The following C12orf42 variants were observed in gnomAD, a reference collection of about 807,000 sequenced individuals.
C12orf42 encodes the protein chromosome 12 open reading frame 42, also known as uncharacterized protein C12orf42.
In C12orf42, 25 loss-of-function variants were observed where a neutral mutation model predicts 21.6. That is an observed-to-expected ratio of 1.16 (90% CI 0.84 to 1.62). C12orf42 has a LOEUF of 1.62. Among genes scored for constraint, C12orf42 ranks in the 40% most tolerant of loss-of-function variants. The probability of loss-of-function intolerance (pLI) is 0.00; values close to 1 mark genes in which losing one functional copy is unlikely to be tolerated. For synonymous variants in C12orf42, 174 were observed against 175.0 expected (o/e 0.99, Z 0.05); for missense variants, 483 against 459.3 (o/e 1.05, Z -0.47).
At chr12:103,249,693 A>G (rs2034194477) in intron 10 of C12orf42, among the ~76,000 whole-genome samples, 2 of 152,124 alleles carry the variant, frequency 1.3e-5, no homozygotes, top group Admixed American at 6.6e-5. Flanking sequence ...GTTTCAGTAC[A>G]GCACATATTA....
At chr12:103,559,658 G>C in the C12orf42 span, 2 of 152,224 alleles carry the variant, frequency 1.3e-5, no homozygotes, top group African/African-American at 4.8e-5. Context: ...GAATGGAAGA[G>C]AAAGCAGGTG....
At chr12:103,346,170 C>T (rs2042605772) in intron 4 of C12orf42, among the ~76,000 whole-genome samples, 1 of 152,124 alleles carries the variant, frequency 6.6e-6, no homozygotes, top group Non-Finnish European at 1.5e-5. Flanking sequence ...TTATAATCCT[C>T]CACAGTTTTG....
intron 2 of C12orf42, among the ~76,000 whole-genome samples, chr12:103,414,146 T>C (rs780367935): frequency 8.5e-5 from 13 of 152,132 alleles, no homozygotes; most frequent in Admixed American, 2.6e-4. Context: ...TACCAATATC[T>C]ATTTTTTTTT....
chr12:103,221,495 A>T, the C12orf42 span, among the ~76,000 whole-genome samples: 1 of 152,340 alleles, frequency 6.6e-6, no homozygotes, highest in East Asian at 1.9e-4. Context: ...AATCTTTTTT[A>T]AAAAGCAATT....
At chr12:103,086,195 T>G in the C12orf42 span, among the ~76,000 whole-genome samples, 1 of 152,072 alleles carries the variant, frequency 6.6e-6, no homozygotes, top group Non-Finnish European at 1.5e-5. Flanking sequence ...TGTTGATACC[T>G]TCAATAACAA....
At chr12:103,470,725 C>G (rs1199252443) in intron 2 of C12orf42, among the ~76,000 whole-genome samples, 1 of 152,172 alleles carries the variant, frequency 6.6e-6, no homozygotes, top group Admixed American at 6.5e-5. Flanking sequence ...ATTAGCCAAC[C>G]TGTGAGAAGC....
the C12orf42 span, among the ~76,000 whole-genome samples, chr12:103,527,741 C>T: frequency 6.6e-6 from 1 of 152,176 alleles, no homozygotes; most frequent in Non-Finnish European, 1.5e-5. Context: ...CCACCCATGG[C>T]TAGGATTTCA....
At chr12:103,535,982 T>G in the C12orf42 span, among the ~76,000 whole-genome samples, 1 of 152,176 alleles carries the variant, frequency 6.6e-6, no homozygotes, top group Admixed American at 6.5e-5. Context: ...TCTCTCGCTA[T>G]GTTGCCCAAG....
the C12orf42 span, among the ~76,000 whole-genome samples, chr12:103,550,125 AG>A: frequency 9.2e-5 from 14 of 152,308 alleles, no homozygotes; most frequent in Admixed American, 2.0e-4. Context: ...AATATAAAAA[AG>A]AACTTTCAAA....
At chr12:103,339,752 A>G (rs180805998) in intron 4 of C12orf42, among the ~76,000 whole-genome samples, 92 of 152,328 alleles carry the variant, frequency 6.0e-4, no homozygotes, top group Non-Finnish European at 1.0e-3. Context: ...TGGGAGTGAA[A>G]ATCAAATACA....
the C12orf42 span, among the ~76,000 whole-genome samples, chr12:103,102,526 G>A: frequency 6.6e-6 from 1 of 152,268 alleles, no homozygotes; most frequent in South Asian, 2.1e-4. Context: ...TCTGTTTCTG[G>A]TTGGGCCAGT....
the C12orf42 span, among the ~76,000 whole-genome samples, chr12:103,126,754 A>G: frequency 6.6e-6 from 1 of 152,180 alleles, no homozygotes. Flanking sequence ...CCGAAATAAG[A>G]CTGTTCGCAA....
intron 1 of C12orf42, among the ~76,000 whole-genome samples, chr12:103,481,630 T>G (rs929659869): frequency 1.4e-5 from 2 of 143,324 alleles, no homozygotes; most frequent in Admixed American, 1.5e-4. Context: ...GTGTGTTTTC[T>G]AAAATCAACA....
At chr12:103,295,237 AC>A (rs1199210425) in intron 4 of C12orf42, among the ~76,000 whole-genome samples, 3 of 152,166 alleles carry the variant, frequency 2.0e-5, no homozygotes, top group African/African-American at 7.2e-5. Context: ...ATTTGTAGTT[AC>A]AAAAACATTA....
chr12:103,442,260 G>C (rs765829676), intron 2 of C12orf42, among the ~76,000 whole-genome samples: 10 of 152,156 alleles, frequency 6.6e-5, no homozygotes, highest in Non-Finnish European at 1.5e-4. Flanking sequence ...TAATGTTCAT[G>C]CATGGCTGTT....
At chr12:103,137,449 CA>C in the C12orf42 span, among the ~76,000 whole-genome samples, 1 of 150,864 alleles carries the variant, frequency 6.6e-6, no homozygotes, top group South Asian at 2.1e-4. Flanking sequence ...ACTGTGGAAA[CA>C]GTAAGATTTC....
the C12orf42 span, among the ~76,000 whole-genome samples, chr12:103,527,176 C>G: frequency 6.6e-6 from 1 of 152,056 alleles, no homozygotes; most frequent in South Asian, 2.1e-4. Flanking sequence ...GATTTCCTTA[C>G]CAAAAAAATT....
At chr12:103,406,462 C>T (rs778995721) in intron 2 of C12orf42, among the ~76,000 whole-genome samples, 4 of 152,176 alleles carry the variant, frequency 2.6e-5, no homozygotes, top group Non-Finnish European at 5.9e-5. Flanking sequence ...ATATCCATTA[C>T]AGATGAAACA....
chr12:103,547,640 A>G, the C12orf42 span, among the ~76,000 whole-genome samples: 1 of 152,250 alleles, frequency 6.6e-6, no homozygotes, highest in African/African-American at 2.4e-5. Flanking sequence ...TCAGGGGCTG[A>G]AAGAACGCAG....
Sources: allele counts gnomAD v4.1 joint callset (sites outside exome capture counted in the v4.1 genomes callset), GRCh38; gene constraint gnomAD v4.1.1; transcripts MANE v1.5; gene names NCBI Gene and HGNC (gene_info 2026-07-23, HGNC 2026-07-21).